The following TUBGCP4 variants were observed in gnomAD, a reference collection of about 807,000 sequenced individuals.
The protein encoded by TUBGCP4 is gamma-tubulin complex component 4.
Under a neutral mutation model 91.6 loss-of-function variants are expected in TUBGCP4, and 54 were observed. The observed-to-expected ratio is 0.59, with a 90% CI of 0.47 to 0.74. The LOEUF is 0.74. Ranked by LOEUF, TUBGCP4 falls within the 30% of genes least tolerant of loss-of-function variation. TUBGCP4 has a pLI of 0.00. For synonymous variants in TUBGCP4, 297 were observed against 302.8 expected (o/e 0.98, Z 0.20); for missense variants, 593 against 800.9 (o/e 0.74, Z 3.13).
At chr15:43,376,256 T>C (rs768521014) in intron 2 of TUBGCP4, 30 bp downstream of exon 2, 1 of 1,611,734 alleles carries the variant, frequency 6.2e-7, no homozygotes, top group Non-Finnish European at 8.5e-7. Flanking sequence ...GGTGTACACC[T>C]CTAGAGGGCA....
chr15:43,405,365 C>A lies in TUBGCP4; in HGVS notation c.*151C>A. On this transcript the variant is annotated 3_prime_UTR_variant, in exon 18 of 18. Coordinates refer to ENST00000564079, the MANE Select transcript of TUBGCP4 (RefSeq NM_014444.5). ...CTCCTAGAAGCAGTTACTGAACATC[C>A]AGGAGTACAACTCCTTCCCATCATT... 1.2e-6 allele frequency: 1 copy of A among 823,858 alleles called. No individual in the cohort carries two copies. The highest frequency in any genetic ancestry group is 2.0e-6 in the Non-Finnish European group (1 of 507,840). The allele number at this position is 823,858 out of a possible 1,614,324, so 51.0% of individuals were successfully genotyped here. A position where few individuals can be genotyped will look rare whatever the true frequency, so the allele number is the denominator to read the frequency against.
At position 43,404,475 on chromosome 15, in the gene TUBGCP4, C is replaced by T; in HGVS notation, c.1911C>T (p.Ile637=). 1.2e-6 allele frequency: 2 copies of T among 1,614,154 alleles called. No homozygotes were observed. The highest frequency in any genetic ancestry group is 1.7e-6 in the Non-Finnish European group (2 of 1,180,026). ...KILSSVRNHQ[I]NSDLAQLLLR... is the part of the protein sequence containing the mutation. ...TCTCCAGTGTTCGGAATCATCAGAT[C>T]AACTCAGATTTGGCTCAACTACTGT... The change falls in exon 17 of 18, where the codon ATC becomes ATT. Residue 637 remains isoleucine, a synonymous_variant. Transcript: ENST00000564079.
chr15:43,408,016 C>T lies in TUBGCP4; in HGVS notation c.*2802C>T, dbSNP rs1232182170. ...CAGTCATGAGGATCTCAGACCAGAG[C>T]TCCAGGAAGTTCTGCTGTTGGTCTG... On this transcript the variant is annotated 3_prime_UTR_variant, in exon 18 of 18. Transcript: ENST00000564079. The T allele has an allele frequency of 6.2e-7, 1 of 1,613,990 alleles. No individual in the cohort carries two copies. Among genetic ancestry groups the T allele is most frequent in the Admixed American group, 1.7e-5 (1 of 60,032 alleles).
At chr15:43,384,038 G>A (rs370036765) in intron 7 of TUBGCP4, among the ~76,000 whole-genome samples, 1 of 152,014 alleles carries the variant, frequency 6.6e-6, no homozygotes, top group Middle Eastern at 3.2e-3. Context: ...GGTCTCGAAC[G>A]CCTGACCTCA....
intron 9 of TUBGCP4, among the ~76,000 whole-genome samples, chr15:43,391,886 A>G (rs2044473524): frequency 1.3e-5 from 2 of 152,156 alleles, no homozygotes; most frequent in Admixed American, 1.3e-4. Flanking sequence ...CCCTGTCTCT[A>G]CTAAAATAAA....
At chr15:43,393,134 A>G (rs2584700) in intron 9 of TUBGCP4, among the ~76,000 whole-genome samples, 70,189 of 151,950 alleles carry the variant, frequency 0.46, 21,302 homozygotes, top group African/African-American at 0.87. Flanking sequence ...CCTTTATATT[A>G]CTTACTAGTA....
chr15:43,395,270 C>A, intron 10 of TUBGCP4, 113 bp downstream of exon 10: 1 of 1,203,428 alleles, frequency 8.3e-7, no homozygotes, highest in Non-Finnish European at 1.2e-6. Context: ...AGAGTCAACT[C>A]ATTTGTTCTT....
intron 13 of TUBGCP4, chr15:43,399,222 CTTT>C: frequency 1.8e-6 from 2 of 1,100,696 alleles, no homozygotes; most frequent in African/African-American, 3.3e-5. Context: ...TCCCGTGTGT[CTTT>C]TAAGTATGGA....
Position 43,405,328 on chromosome 15 carries a change from A to G in TUBGCP4, c.*114A>G, listed in dbSNP as rs1038098787. 2.5e-6 allele frequency: 3 copies of G among 1,219,570 alleles called. No homozygotes were observed. In the African/African-American group the frequency reaches 4.5e-5, roughly 18 times the overall value. 75.5% of individuals were successfully genotyped at this position (1,219,570 alleles called of 1,614,324 possible). A position where few individuals can be genotyped will look rare whatever the true frequency, so the allele number is the denominator to read the frequency against. ...TAAATATCTGCGGCTTAGTGATAGG[A>G]CTCTACCTTTTCTCCTAGAAGCAGT... On this transcript the variant is annotated 3_prime_UTR_variant, in exon 18 of 18. Transcript: ENST00000564079.
intron 13 of TUBGCP4, chr15:43,399,075 A>G: frequency 2.5e-6 from 3 of 1,195,532 alleles, no homozygotes; most frequent in Non-Finnish European, 3.3e-6. Context: ...TCAGTTTCCA[A>G]ACAAGGTCTA....
In TUBGCP4 at chr15:43,405,449, T is replaced by C. The variant is rs1368307481; in HGVS notation, c.*235T>C. On this transcript the variant is annotated 3_prime_UTR_variant, in exon 18 of 18. Transcript: ENST00000564079. ...CATGTGGCATCTCTGATCCTTTACA[T>C]TGAGAACATTTGTTGGATATGTTCA... The C allele has an allele frequency of 6.9e-6, 4 of 580,386 alleles. No individual in the cohort carries two copies. The highest frequency in any genetic ancestry group is 6.6e-5 in the South Asian group (3 of 45,498). The allele number at this position is 580,386 out of a possible 1,614,324, so 36.0% of individuals were successfully genotyped here. A position where few individuals can be genotyped will look rare whatever the true frequency, so the allele number is the denominator to read the frequency against.
Position 43,407,975 on chromosome 15 carries a change from A to G in TUBGCP4, c.*2761A>G. ...ATGGGCACTTGAATGGTGCTGCTTCACAGAGGCTGCACCACCAGTCATGAG... is the reference window on the plus strand; with the variant it reads ...ATGGGCACTTGAATGGTGCTGCTTCGCAGAGGCTGCACCACCAGTCATGAG... On this transcript the variant is annotated 3_prime_UTR_variant, in exon 18 of 18. Coordinates refer to ENST00000564079, the MANE Select transcript of TUBGCP4 (RefSeq NM_014444.5). The G allele has an allele frequency of 6.2e-7, 1 of 1,613,842 alleles. No individual in the cohort carries two copies. Among genetic ancestry groups the G allele is most frequent in the South Asian group, 1.1e-5 (1 of 91,070 alleles).
At chr15:43,386,972 A>T (rs1483928661) in intron 9 of TUBGCP4, among the ~76,000 whole-genome samples, 1 of 152,134 alleles carries the variant, frequency 6.6e-6, no homozygotes. Flanking sequence ...CTTGGTTTAA[A>T]TTCTGAAAAT....
At position 43,371,790 on chromosome 15, in the gene TUBGCP4, A is replaced by G. The variant is rs567587790; in HGVS notation, c.78+358A>G. Among the ~76,000 whole-genome samples, 139 of 152,316 alleles carry G rather than the reference A, an allele frequency of 9.1e-4. 4 individuals carry two copies. In the South Asian group the frequency reaches 0.029, roughly 31 times the overall value. ...TGTTTGAGTTTTGAAGTACTGGGCC[A>G]AATACACAGCTCCCAAACACATGGT... On this transcript the variant is annotated intron_variant, in intron 1 of 17. Transcript: ENST00000564079.
intron 1 of TUBGCP4, among the ~76,000 whole-genome samples, chr15:43,373,500 C>A (rs1306014804): frequency 6.6e-6 from 1 of 152,110 alleles, no homozygotes; most frequent in African/African-American, 2.4e-5. Context: ...CATGTATTAA[C>A]TTATTTAATC....
At chr15:43,383,971 A>G (rs2044321452) in intron 7 of TUBGCP4, among the ~76,000 whole-genome samples, 1 of 151,822 alleles carries the variant, frequency 6.6e-6, no homozygotes, top group Non-Finnish European at 1.5e-5. Context: ...GCTAATTTTC[A>G]TATTTTTTAT....
At chr15:43,378,923 T>G (rs1428854261) in intron 5 of TUBGCP4, among the ~76,000 whole-genome samples, 2 of 152,254 alleles carry the variant, frequency 1.3e-5, no homozygotes, top group African/African-American at 4.8e-5. Context: ...ACCACTAGAT[T>G]AAACTATCTC....
intron 10 of TUBGCP4, 144 bp from the exon 11 acceptor site, chr15:43,395,439 C>T (rs752369724): frequency 1.4e-6 from 1 of 736,134 alleles, no homozygotes; most frequent in Non-Finnish European, 2.4e-6. Context: ...AAGTATGCCT[C>T]TTTGAAATGC....
intron 12 of TUBGCP4, 38 bp from the exon 13 acceptor site, chr15:43,398,003 G>A (rs767131297): frequency 6.3e-7 from 1 of 1,586,684 alleles, no homozygotes; most frequent in Non-Finnish European, 8.6e-7. Context: ...TAACCAAGTT[G>A]TTATCTTTTC....
Sources: allele counts gnomAD v4.1 joint callset (sites outside exome capture counted in the v4.1 genomes callset), GRCh38; gene constraint gnomAD v4.1.1; transcripts MANE v1.5; gene names NCBI Gene and HGNC (gene_info 2026-07-23, HGNC 2026-07-21).